Variants in SDK2 observed in about 807,000 individuals in gnomAD.
SDK2 encodes the protein sidekick cell adhesion molecule 2, also known as protein sidekick-2.
In SDK2, 105 loss-of-function variants were observed where a neutral mutation model predicts 253.9. The observed-to-expected ratio is 0.41, with a 90% CI of 0.35 to 0.49. SDK2 has a LOEUF of 0.49. Ranked by LOEUF, SDK2 falls within the 20% of genes least tolerant of loss-of-function variation. The pLI is 0.06. For missense variants in SDK2, 2,608 were observed against 3,003.0 expected (o/e 0.87, Z 3.07); for synonymous variants, 1,249 against 1,234.9 (o/e 1.01, Z -0.24).
At chr17:73,367,368 C>T (rs2035243476) in intron 37 of SDK2, among the ~76,000 whole-genome samples, 1 of 152,166 alleles carries the variant, frequency 6.6e-6, no homozygotes, top group African/African-American at 2.4e-5. Context: ...GCCCCATTTT[C>T]CTGCAAGCCA....
At chr17:73,369,511 T>C (rs760186931) in intron 36 of SDK2, among the ~76,000 whole-genome samples, 37 of 152,268 alleles carry the variant, frequency 2.4e-4, no homozygotes, top group South Asian at 8.3e-4. Context: ...GTACATTCAG[T>C]GAGGTTAAGG....
chr17:73,420,106 G>A (rs1239400572), intron 15 of SDK2, among the ~76,000 whole-genome samples: 2 of 152,206 alleles, frequency 1.3e-5, no homozygotes, highest in African/African-American at 4.8e-5. Flanking sequence ...GGGCGGGCAT[G>A]GCGTGTGAGG....
intron 36 of SDK2, among the ~76,000 whole-genome samples, chr17:73,373,777 C>CAGGT (rs2062755406): frequency 6.6e-6 from 1 of 152,140 alleles, no homozygotes; most frequent in Non-Finnish European, 1.5e-5. Context: ...CTGCCTCAGC[C>CAGGT]AGGTGCCTGC....
intron 1 of SDK2, among the ~76,000 whole-genome samples, chr17:73,529,450 A>G (rs1386473685): frequency 6.6e-6 from 1 of 152,214 alleles, no homozygotes; most frequent in Non-Finnish European, 1.5e-5. Flanking sequence ...CCTTGTTAAT[A>G]AACCATAGGC....
At position 73,599,422 on chromosome 17, in the gene SDK2, C is replaced by T. The variant is rs180694875; in HGVS notation, c.64+44603G>A. 3.9e-3 allele frequency among the ~76,000 whole-genome samples: 594 copies of T among 152,178 alleles called. 9 individuals are homozygous for T. Among genetic ancestry groups the T allele is most frequent in the Admixed American group, 0.033 (507 of 15,296 alleles). ...TGGTGGGCACCTGTAATCCCAGTTA[C>T]TCCTCAGGAGGCTGAGGCAGGAGAA... is the stretch of plus-strand genomic sequence containing the variant. On this transcript the variant is annotated intron_variant, in intron 1 of 44. Transcript: ENST00000392650.
Position 73,401,021 on chromosome 17 carries a change from TG to T in SDK2, c.2969del (p.Pro990GlnfsTer20). 3 of 1,570,276 alleles carry T rather than the reference TG, an allele frequency of 1.9e-6. No individual in the cohort carries two copies. Among genetic ancestry groups the T allele is most frequent in the Non-Finnish European group, 1.7e-6 (2 of 1,157,474 alleles). Reference protein sequence around the residue: ...SASTISSGVPPELPGPPTNLG... With the variant: ...SASTISSGVPXELPGPPTNLG... ...CCTGCCTTGAGAGTGGGCACTTACC[TG>T]GGGGCACCCCAGAGGAGATGGTGGA... On this transcript the variant is annotated frameshift_variant and splice_region_variant, in exon 21 of 45. Transcript: ENST00000392650. LOFTEE classifies it high-confidence loss of function.
intron 1 of SDK2, among the ~76,000 whole-genome samples, chr17:73,597,991 ACTT>A (rs1291494108): frequency 6.6e-6 from 1 of 152,026 alleles, no homozygotes; most frequent in Non-Finnish European, 1.5e-5. Flanking sequence ...TTCCCTTTCT[ACTT>A]CTACAGATGG....
At chr17:73,343,585 G>A (rs886829586) in intron 44 of SDK2, among the ~76,000 whole-genome samples, 13 of 152,172 alleles carry the variant, frequency 8.5e-5, no homozygotes, top group African/African-American at 2.7e-4. Flanking sequence ...TGACTGCTTC[G>A]TCTCCCTGGT....
In SDK2 at chr17:73,431,071, C is replaced by T. The variant is rs1412780506; in HGVS notation, c.1480+431G>A. ...GCCTTTTTGGCTAAATAAACCCTTA[C>T]TGGAACATAGCCACGCCCATTGGAT... On this transcript the variant is annotated intron_variant, in intron 11 of 44. Coordinates refer to ENST00000392650, the MANE Select transcript of SDK2 (RefSeq NM_001144952.2). The surrounding 1 kb of genome is among the most constrained non-coding windows in gnomAD (Gnocchi z 5.6). 6.6e-6 allele frequency among the ~76,000 whole-genome samples: 1 copy of T among 152,246 alleles called. No individual in the cohort carries two copies. Among genetic ancestry groups the T allele is most frequent in the African/African-American group, 2.4e-5 (1 of 41,476 alleles).
At chr17:73,524,019 T>A (rs1422115645) in intron 1 of SDK2, among the ~76,000 whole-genome samples, 3 of 152,232 alleles carry the variant, frequency 2.0e-5, no homozygotes, top group Middle Eastern at 3.4e-3. Context: ...TGAAAGGGAT[T>A]TTCTCATTTC....
chr17:73,375,991 T>G (rs1302707117), intron 36 of SDK2, among the ~76,000 whole-genome samples: 12 of 147,982 alleles, frequency 8.1e-5, no homozygotes, highest in Non-Finnish European at 1.2e-4. Context: ...GTCAAGAGAT[T>G]GAGACCATCC....
chr17:73,429,982 C>T (rs1055688292), intron 12 of SDK2, among the ~76,000 whole-genome samples: 4 of 152,166 alleles, frequency 2.6e-5, no homozygotes, highest in African/African-American at 9.7e-5. Flanking sequence ...GGGGTGACCT[C>T]GGTTTGGAGG....
rs1024540741 is a variant in SDK2, at chr17:73,446,565, C to T, written c.613+1050G>A. On this transcript the variant is annotated intron_variant, in intron 5 of 44. Coordinates refer to ENST00000392650, the MANE Select transcript of SDK2 (RefSeq NM_001144952.2). The stretch of plus-strand genomic sequence containing the variant: ...GCAAGGCCTGGGAATGTCCTGGGCC[C>T]TCTGGACATGGACAGCAGAGGCTAG... Among the ~76,000 whole-genome samples, 39 of 152,150 alleles carry T rather than the reference C, an allele frequency of 2.6e-4. 1 individual carries two copies. Among genetic ancestry groups the T allele is most frequent in the Admixed American group, 1.8e-3 (28 of 15,276 alleles).
chr17:73,635,963 G>A (rs2046324419), intron 1 of SDK2, among the ~76,000 whole-genome samples: 1 of 152,192 alleles, frequency 6.6e-6, no homozygotes, highest in Middle Eastern at 3.2e-3. Context: ...GCAGGAGGAG[G>A]AGGAGGAAAA....
At chr17:73,597,132 C>T (rs771450814) in intron 1 of SDK2, among the ~76,000 whole-genome samples, 6 of 152,230 alleles carry the variant, frequency 3.9e-5, no homozygotes, top group African/African-American at 7.2e-5. Context: ...CTGTCTTTCT[C>T]TTGTCCTTTA....
intron 1 of SDK2, among the ~76,000 whole-genome samples, chr17:73,538,846 C>T (rs1380699580): frequency 6.6e-6 from 1 of 152,194 alleles, no homozygotes; most frequent in African/African-American, 2.4e-5. Flanking sequence ...AGATGGGGCA[C>T]CGACCAGTTA....
Position 73,412,272 on chromosome 17 carries a change from ATG to A in SDK2, c.2484+2370_2484+2371del, listed in dbSNP as rs199817011. Among the ~76,000 whole-genome samples, 298 of 148,538 alleles carry A rather than the reference ATG, an allele frequency of 2.0e-3. 1 individual carries two copies. Among genetic ancestry groups the A allele is most frequent in the African/African-American group, 7.2e-3 (288 of 39,878 alleles). ...GGAACATATACATATACATATATAT[ATG>A]TGTGTGTGTGTATATATATATGTGT... On this transcript the variant is annotated intron_variant, in intron 18 of 44. Coordinates refer to ENST00000392650, the MANE Select transcript of SDK2 (RefSeq NM_001144952.2).
At chr17:73,370,730 G>A (rs186575544) in intron 36 of SDK2, among the ~76,000 whole-genome samples, 6 of 152,118 alleles carry the variant, frequency 3.9e-5, no homozygotes, top group African/African-American at 7.2e-5. Flanking sequence ...TATTTCTTTC[G>A]TAGAGATGGG....
In SDK2 at chr17:73,401,913, G is replaced by T. The variant is rs778272183; in HGVS notation, c.2680+33C>A. 17 of 1,508,228 alleles carry T rather than the reference G, an allele frequency of 1.1e-5. 1 individual carries two copies. Among genetic ancestry groups the T allele is most frequent in the South Asian group, 2.4e-5 (2 of 84,088 alleles). 93.4% of individuals were successfully genotyped at this position (1,508,228 alleles called of 1,614,324 possible). The stretch of plus-strand genomic sequence containing the variant: ...CGCCCAGCCTGGCCTTGGGCGGGGG[G>T]GGGCAGAAAGAGCAGGGCTGGGGGG... On this transcript the variant is annotated intron_variant, in intron 19 of 44. Coordinates refer to ENST00000392650, the MANE Select transcript of SDK2 (RefSeq NM_001144952.2).
Sources: allele counts gnomAD v4.1 joint callset (sites outside exome capture counted in the v4.1 genomes callset), GRCh38; gene constraint gnomAD v4.1.1; non-coding constraint Gnocchi (gnomAD v3.1); transcripts MANE v1.5; gene names NCBI Gene and HGNC (gene_info 2026-07-23, HGNC 2026-07-21).